The following SMC6 variants were observed in gnomAD, a reference collection of about 807,000 sequenced individuals.
The protein encoded by SMC6 is structural maintenance of chromosomes 6, also known as structural maintenance of chromosomes protein 6.
In SMC6, 79 loss-of-function variants were observed where a neutral mutation model predicts 142.2. That is an observed-to-expected ratio of 0.56 (90% CI 0.46 to 0.67). The LOEUF (loss-of-function observed/expected upper bound fraction) is 0.67, where lower values mean the gene tolerates loss of function less well. Among genes scored for constraint, SMC6 ranks in the 30% least tolerant of loss-of-function variants. The pLI is 0.00. For missense variants in SMC6, 1,072 were observed against 1,284.0 expected, an observed-to-expected ratio of 0.83 and a Z score of 2.52; for synonymous variants, 411 against 412.4, an observed-to-expected ratio of 1.00 and a Z score of 0.04.
chr2:17,728,910 G>A (rs1039069570), intron 7 of SMC6, among the ~76,000 whole-genome samples: 1 of 152,074 alleles, frequency 6.6e-6, no homozygotes, highest in Non-Finnish European at 1.5e-5. Context: ...CACCATGCCT[G>A]CCTAATTTTT....
At chr2:17,740,119 T>G (rs1357429358) in intron 4 of SMC6, among the ~76,000 whole-genome samples, 5 of 152,150 alleles carry the variant, frequency 3.3e-5, no homozygotes, top group Non-Finnish European at 7.3e-5. Flanking sequence ...CCTCCACTAT[T>G]TGCATTATTT....
At chr2:17,714,109 G>A (rs796695499) in intron 16 of SMC6, among the ~76,000 whole-genome samples, 1 of 140,438 alleles carries the variant, frequency 7.1e-6, no homozygotes, top group African/African-American at 2.7e-5. Context: ...TTTTTTTTGA[G>A]ACACAGTCTC....
intron 18 of SMC6, among the ~76,000 whole-genome samples, chr2:17,703,869 T>C (rs906280317): frequency 2.6e-5 from 4 of 152,090 alleles, no homozygotes; most frequent in African/African-American, 9.7e-5. Context: ...ATAATACCTA[T>C]AACATCTAAA....
rs563053125 is a variant in SMC6 at position 17,683,250 on chromosome 2, T to C, written c.2804+388A>G. Among the ~76,000 whole-genome samples the C allele has an allele frequency of 2.0e-4, 30 of 152,352 alleles. 1 individual carries two copies. The highest frequency in any genetic ancestry group is 6.5e-4 in the African/African-American group (27 of 41,582). ...AAACAAAACAGAGTTTCTACATTCA[T>C]GGAGCTACGTCATTCTAGTAGATTA... On this transcript the variant is annotated intron_variant, in intron 24 of 27. Coordinates refer to ENST00000448223, the MANE Select transcript of SMC6 (RefSeq NM_001142286.2).
chr2:17,722,297 T>G (rs1669407953), intron 9 of SMC6, among the ~76,000 whole-genome samples: 1 of 152,138 alleles, frequency 6.6e-6, no homozygotes, highest in Admixed American at 6.5e-5. Flanking sequence ...GCCTCATATT[T>G]AAGACCCATA....
At chr2:17,749,927 C>T (rs1670943711) in intron 2 of SMC6, among the ~76,000 whole-genome samples, 1 of 152,174 alleles carries the variant, frequency 6.6e-6, no homozygotes. Flanking sequence ...TCTGAATCTG[C>T]CCTGGCCTGT....
chr2:17,713,445 G>A (rs1035806645), intron 16 of SMC6: 1 of 470,058 alleles, frequency 2.1e-6, no homozygotes. Context: ...CATGTGTTTC[G>A]TGGCTAAGTG....
chr2:17,708,318 G>A (rs1668653690), intron 17 of SMC6, among the ~76,000 whole-genome samples: 1 of 152,000 alleles, frequency 6.6e-6, no homozygotes, highest in Non-Finnish European at 1.5e-5. Context: ...ACAGATATCT[G>A]TAAGGGCAAA....
chr2:17,679,305 A>G (rs1171000221), intron 24 of SMC6: 1 of 175,282 alleles, frequency 5.7e-6, no homozygotes, highest in Non-Finnish European at 1.2e-5. Context: ...CATTACCCTA[A>G]TACATTATAA....
chr2:17,677,102 G>A (rs957240098), intron 25 of SMC6, among the ~76,000 whole-genome samples: 24 of 152,142 alleles, frequency 1.6e-4, no homozygotes, highest in African/African-American at 5.1e-4. Context: ...AATGGTGAGC[G>A]TGGACAGAAC....
At chr2:17,693,758 G>T (rs1667847688) in intron 23 of SMC6, among the ~76,000 whole-genome samples, 1 of 151,928 alleles carries the variant, frequency 6.6e-6, no homozygotes, top group Non-Finnish European at 1.5e-5. Context: ...CACTTTGGGA[G>T]TCAGAGGCAG....
intron 16 of SMC6, among the ~76,000 whole-genome samples, chr2:17,710,817 G>C (rs1307591319): frequency 1.3e-5 from 2 of 152,130 alleles, no homozygotes; most frequent in Non-Finnish European, 2.9e-5. Context: ...GAAGGTTCAA[G>C]AAAGAAGGTA....
chr2:17,665,430 A>T lies in SMC6; in HGVS notation c.*69T>A. The stretch of plus-strand genomic sequence containing the variant: ...GCCTCCAGTCTCATTTTATTATATC[A>T]AAGAGTCCAGAATTTTTTTTCCCTT... On this transcript the variant is annotated 3_prime_UTR_variant, in exon 28 of 28. Coordinates refer to ENST00000448223, the MANE Select transcript of SMC6 (RefSeq NM_001142286.2). 1.0e-6 allele frequency: 1 copy of T among 986,466 alleles called. No individual in the cohort carries two copies. Among genetic ancestry groups the T allele is most frequent in the Admixed American group, 2.4e-5 (1 of 41,668 alleles). The allele number at this position is 986,466 out of a possible 1,614,324, so 61.1% of individuals were successfully genotyped here. A position where few individuals can be genotyped will look rare whatever the true frequency, so the allele number is the denominator to read the frequency against.
At chr2:17,751,401 A>C (rs1419012753) in intron 2 of SMC6, among the ~76,000 whole-genome samples, 3 of 150,554 alleles carry the variant, frequency 2.0e-5, no homozygotes, top group Non-Finnish European at 4.4e-5. Flanking sequence ...AATCGCTTGA[A>C]CCCGGGAGGC....
At position 17,731,065 on chromosome 2, in the gene SMC6, A is replaced by G. The variant is rs1220972354; in HGVS notation, c.543+13T>C. On this transcript the variant is annotated intron_variant, in intron 7 of 27. Transcript: ENST00000448223. Reference sequence around the variant, plus strand: ...GTGTATGAATTAATCTGAAACACAAATTCACCAATTACCTGGATGTTAAAA... The same window carrying G: ...GTGTATGAATTAATCTGAAACACAAGTTCACCAATTACCTGGATGTTAAAA... 6.2e-7 allele frequency: 1 copy of G among 1,604,708 alleles called. No homozygotes were observed. The highest frequency in any genetic ancestry group is 1.7e-5 in the Admixed American group (1 of 58,768).
In SMC6 at chr2:17,752,969, CA is replaced by C; in HGVS notation, c.-6+8del. The C allele has an allele frequency of 1.0e-6, 1 of 971,806 alleles. No homozygotes were observed. The highest frequency in any genetic ancestry group is 1.2e-6 in the Non-Finnish European group (1 of 817,552). The allele number at this position is 971,806 out of a possible 1,614,324, so 60.2% of individuals were successfully genotyped here. ...CAAATGATTGCTCTAAGAATTTTCA[CA>C]GTATTACCTCAAACCCTATTGGTTC... On this transcript the variant is annotated splice_region_variant and intron_variant, in intron 2 of 27. Transcript: ENST00000448223.
chr2:17,669,321 G>A (rs1666648002), intron 26 of SMC6, among the ~76,000 whole-genome samples: 1 of 152,168 alleles, frequency 6.6e-6, no homozygotes, highest in Non-Finnish European at 1.5e-5. Context: ...AGGTAGTAGG[G>A]CATCTGGGTC....
chr2:17,671,570 T>G (rs527480207), intron 25 of SMC6, among the ~76,000 whole-genome samples: 56 of 130,024 alleles, frequency 4.3e-4, no homozygotes, highest in Admixed American at 3.3e-3. Flanking sequence ...GATCATGCCA[T>G]TGCACTCCAG....
Position 17,700,232 on chromosome 2 carries a change from T to G in SMC6, c.2370A>C (p.Leu790=), listed in dbSNP as rs778932782. 3 of 1,607,088 alleles carry G rather than the reference T, an allele frequency of 1.9e-6. No homozygotes were observed. The highest frequency in any genetic ancestry group is 2.2e-5 in the East Asian group (1 of 44,608). ...YDAIKFKINQ[L]SELADPLKDE... ...CCTTAAGTGGGTCTGCTAGCTCCGA[T>G]AGTTGATTAATTTTGAATTTAATTG... Residue 790 remains leucine (L), a synonymous_variant, in exon 21 of 28, where the codon CTA becomes CTC. Transcript: ENST00000448223.
Sources: gnomAD v4.1 joint callset for allele counts (sites outside exome capture counted in the v4.1 genomes callset) on GRCh38, gnomAD v4.1.1 for gene constraint, MANE v1.5 for transcripts, NCBI Gene and HGNC (gene_info 2026-07-23, HGNC 2026-07-21) for gene names.